Variants in FLRT1 observed in about 807,000 individuals in gnomAD.
The protein encoded by FLRT1 is leucine-rich repeat transmembrane protein FLRT1.
In FLRT1, 14 loss-of-function variants were observed where a neutral mutation model predicts 30.9. The ratio of observed to expected loss-of-function variants is 0.45; its 90% CI spans 0.30 to 0.71. FLRT1 has a LOEUF of 0.71. Ranked by LOEUF, FLRT1 falls within the 30% of genes least tolerant of loss-of-function variation. FLRT1 has a pLI of 0.08. For missense variants in FLRT1, 737 were observed against 949.2 expected (o/e 0.78, Z 2.94); for synonymous variants, 368 against 430.4 (o/e 0.85, Z 1.80).
chr11:64,118,197 A>G lies in FLRT1; in HGVS notation c.1930A>G (p.Ser644Gly), dbSNP rs1327111222. ...CCACACTATCTTCCCCTCCAACGGC[A>G]GCAGCCTCTGCAAGGCCACACACAC... Reference protein sequence around the residue: ...VVHTIFPSNGSSLCKATHTIG... With the variant: ...VVHTIFPSNGGSLCKATHTIG... Residue 644 changes from serine to glycine, a missense_variant, in exon 3 of 3, where the codon AGC becomes GGC. Coordinates refer to ENST00000682287, the MANE Select transcript of FLRT1 (RefSeq NM_013280.5). 6.2e-7 allele frequency: 1 copy of G among 1,613,156 alleles called. No homozygotes were observed. The highest frequency in any genetic ancestry group is 1.1e-5 in the South Asian group (1 of 91,082).
At chr11:64,044,417 A>AT (rs567766882) in intron 1 of FLRT1, among the ~76,000 whole-genome samples, 1 of 152,028 alleles carries the variant, frequency 6.6e-6, no homozygotes, top group Non-Finnish European at 1.5e-5. Context: ...ACACTGGCTA[A>AT]TTTTTTAATT....
At chr11:64,116,196 C>T (rs1363707899) in intron 2 of FLRT1, 23 bp from the exon 3 acceptor site, 10 of 1,534,658 alleles carry the variant, frequency 6.5e-6, no homozygotes, top group Middle Eastern at 1.8e-4. Flanking sequence ...CCTCTCACTG[C>T]CCCTGTCCTG....
chr11:64,046,890 G>A (rs564711430), intron 1 of FLRT1, among the ~76,000 whole-genome samples: 12 of 152,248 alleles, frequency 7.9e-5, no homozygotes, highest in Admixed American at 2.6e-4. Flanking sequence ...AGATACTGCC[G>A]GACATTTTAA....
Position 64,117,563 on chromosome 11 carries a change from G to T in FLRT1, c.1296G>T (p.Thr432=), listed in dbSNP as rs371219543. 1 of 1,607,074 alleles carries T rather than the reference G, an allele frequency of 6.2e-7. No homozygotes were observed. The highest frequency in any genetic ancestry group is 8.5e-7 in the Non-Finnish European group (1 of 1,175,454). Residue 432 remains threonine (T), a synonymous_variant, in exon 3 of 3, where the codon ACG becomes ACT. Coordinates refer to ENST00000682287, the MANE Select transcript of FLRT1 (RefSeq NM_013280.5). ...PDSNIDYPMA[T]GDGAKTLAIH... ...CCAACATTGACTACCCCATGGCCAC[G>T]GGTGATGGCGCCAAGACCCTGGCCA...
At position 64,058,841 on chromosome 11, in the gene FLRT1, AG is replaced by A. The variant is rs540443844; in HGVS notation, c.-1038+22689del. Among the ~76,000 whole-genome samples the A allele has an allele frequency of 3.9e-3, 590 of 152,120 alleles. 6 individuals are homozygous for A. The highest frequency in any genetic ancestry group is 0.014 in the African/African-American group (576 of 41,526). On this transcript the variant is annotated intron_variant, in intron 1 of 2. Transcript: ENST00000682287. ...GAGGGCGTGAAGAGGGCAGCCGGCA[AG>A]GGGGGGTAGGACCAGTGATAGGGGA...
chr11:64,064,572 C>T lies in FLRT1; in HGVS notation c.-1038+28413C>T, dbSNP rs538941771. Among the ~76,000 whole-genome samples, 76 of 152,098 alleles carry T rather than the reference C, an allele frequency of 5.0e-4. 1 individual carries two copies. The highest frequency in any genetic ancestry group is 1.2e-3 in the African/African-American group (51 of 41,524). ...CCTGAGTCCTGCCTGCTGGCTGACA[C>T]GGAGCTGGCTTTCTTCCCTGGCCCT... On this transcript the variant is annotated intron_variant, in intron 1 of 2. Transcript: ENST00000682287. The surrounding 1 kb of genome is among the most constrained non-coding windows in gnomAD (Gnocchi z 4.5).
intron 1 of FLRT1, among the ~76,000 whole-genome samples, chr11:64,098,905 C>CCAT (rs940491340): frequency 6.6e-6 from 1 of 152,224 alleles, no homozygotes; most frequent in African/African-American, 2.4e-5. Context: ...ACATAAAAAT[C>CCAT]CATCCCAAAG....
chr11:64,040,696 G>A (rs1037040836), intron 1 of FLRT1, among the ~76,000 whole-genome samples: 3 of 152,194 alleles, frequency 2.0e-5, no homozygotes, highest in Admixed American at 1.3e-4. Flanking sequence ...TGGGTGGACC[G>A]AGAGCTATTA....
At chr11:64,116,165 T>TG in intron 2 of FLRT1, 54 bp from the exon 3 acceptor site, 1 of 1,493,096 alleles carries the variant, frequency 6.7e-7, no homozygotes, top group Non-Finnish European at 8.9e-7. Context: ...GATTCACTCC[T>TG]GGGGTCGCTG....
chr11:64,081,818 G>C (rs892465976), intron 1 of FLRT1: 1 of 152,106 alleles, frequency 6.6e-6, no homozygotes, highest in Non-Finnish European at 1.5e-5. Context: ...GAGAGGTCCG[G>C]GTCCGTTCTC....
rs552316393 is a variant in FLRT1 at position 64,074,694 on chromosome 11, A to G, written c.-1037-28500A>G. Among the ~76,000 whole-genome samples, 4 of 152,264 alleles carry G rather than the reference A, an allele frequency of 2.6e-5. No individual in the cohort carries two copies. The East Asian group carries it at 7.7e-4, about 29-fold the overall frequency. ...ACCCCCTTTATCCCAGGAGCTAGAT[A>G]CCACCAAACTGCCCTGTGGGTCCCT... On this transcript the variant is annotated intron_variant, in intron 1 of 2. Transcript: ENST00000682287.
At chr11:64,102,361 C>G (rs1944685652) in intron 1 of FLRT1, among the ~76,000 whole-genome samples, 1 of 146,094 alleles carries the variant, frequency 6.8e-6, no homozygotes, top group African/African-American at 2.5e-5. Context: ...GTGTTGAGGA[C>G]TGACCCCCCA....
chr11:64,049,600 A>G (rs1043419599), intron 1 of FLRT1, among the ~76,000 whole-genome samples: 2 of 151,700 alleles, frequency 1.3e-5, no homozygotes, highest in Non-Finnish European at 2.9e-5. Flanking sequence ...GGACCTGCTG[A>G]CTCCCGCACA....
intron 1 of FLRT1, among the ~76,000 whole-genome samples, chr11:64,099,706 G>T (rs1479274924): frequency 6.6e-6 from 1 of 151,464 alleles, no homozygotes; most frequent in African/African-American, 2.4e-5. Flanking sequence ...AGAGTTGGAA[G>T]GATGGAGAGA....
intron 1 of FLRT1, among the ~76,000 whole-genome samples, chr11:64,065,473 T>C (rs574791690): frequency 1.3e-5 from 2 of 152,102 alleles, no homozygotes; most frequent in Non-Finnish European, 2.9e-5. Context: ...TGTGTGCTTG[T>C]CCTGAGCTAC....
chr11:64,096,546 G>C lies in FLRT1; in HGVS notation c.-1037-6648G>C, dbSNP rs1322616371. Among the ~76,000 whole-genome samples the C allele has an allele frequency of 1.3e-5, 2 of 152,076 alleles. No individual in the cohort carries two copies. The highest frequency in any genetic ancestry group is 2.4e-5 in the African/African-American group (1 of 41,390). On this transcript the variant is annotated intron_variant, in intron 1 of 2. Coordinates refer to ENST00000682287, the MANE Select transcript of FLRT1 (RefSeq NM_013280.5). The surrounding 1 kb of genome is among the most constrained non-coding windows in gnomAD (Gnocchi z 4.6). Reference sequence around the variant, plus strand: ...TTCTCTTGCCTCAGCCCACCGAGTAGCTGGGATTACAGGCGCCTGCCATCA... The same window carrying C: ...TTCTCTTGCCTCAGCCCACCGAGTACCTGGGATTACAGGCGCCTGCCATCA...
At chr11:64,066,621 A>T (rs1277049872) in intron 1 of FLRT1, among the ~76,000 whole-genome samples, 2 of 151,700 alleles carry the variant, frequency 1.3e-5, no homozygotes, top group Non-Finnish European at 2.9e-5. Context: ...TGGGCAACAA[A>T]TCAAGACCAT....
At chr11:64,094,182 C>T (rs1944537285) in intron 1 of FLRT1, among the ~76,000 whole-genome samples, 1 of 152,182 alleles carries the variant, frequency 6.6e-6, no homozygotes, top group African/African-American at 2.4e-5. Context: ...CCTGTAATCC[C>T]AGAACTTTGG....
chr11:64,115,835 C>T (rs888603110), intron 2 of FLRT1, among the ~76,000 whole-genome samples: 4 of 152,210 alleles, frequency 2.6e-5, no homozygotes, highest in South Asian at 2.1e-4. Flanking sequence ...GTACCTTTAG[C>T]GTTGGCCATA....
Sources: allele counts gnomAD v4.1 joint callset (sites outside exome capture counted in the v4.1 genomes callset), GRCh38; gene constraint gnomAD v4.1.1; non-coding constraint Gnocchi (gnomAD v3.1); transcripts MANE v1.5; gene names NCBI Gene and HGNC (gene_info 2026-07-23, HGNC 2026-07-21).